MRAP2: variants seen among roughly 807,000 people sequenced by gnomAD.
The protein encoded by MRAP2 is melanocortin 2 receptor accessory protein 2, also known as melanocortin-2 receptor accessory protein 2.
In MRAP2, 20 loss-of-function variants were observed where a neutral mutation model predicts 17.4. The observed-to-expected ratio is 1.15, with a 90% CI of 0.81 to 1.67. The LOEUF is 1.67. MRAP2 is among the 40% of genes most tolerant of loss of function. The pLI, the probability that MRAP2 is intolerant of heterozygous loss-of-function variation, is 0.00. For missense variants in MRAP2, 238 were observed against 240.0 expected (o/e 0.99, Z 0.05); for synonymous variants, 96 against 88.4 (o/e 1.09, Z -0.48).
intron 3 of MRAP2, among the ~76,000 whole-genome samples, 179 bp from the exon 4 acceptor site, chr6:84,088,912 G>A (rs1269846038): frequency 6.6e-6 from 1 of 152,096 alleles, no homozygotes; most frequent in Admixed American, 6.5e-5. Flanking sequence ...GGGTTTATCT[G>A]TACATACTCA....
chr6:84,075,026 C>T (rs985488145), intron 3 of MRAP2, among the ~76,000 whole-genome samples: 6 of 152,158 alleles, frequency 3.9e-5, no homozygotes, highest in Admixed American at 1.3e-4. Flanking sequence ...TGGTATGACA[C>T]AACAAAGGTT....
chr6:84,063,551 G>C (rs1456044434), intron 3 of MRAP2, among the ~76,000 whole-genome samples: 1 of 152,106 alleles, frequency 6.6e-6, no homozygotes, highest in African/African-American at 2.4e-5. Context: ...TGATGATGCT[G>C]GACTTTGGAT....
chr6:84,099,929 T>C, the MRAP2 span, among the ~76,000 whole-genome samples: 1 of 152,088 alleles, frequency 6.6e-6, no homozygotes, highest in African/African-American at 2.4e-5. Flanking sequence ...GGTGGGATCT[T>C]GGCTCATTGC....
the MRAP2 span, among the ~76,000 whole-genome samples, chr6:84,134,752 G>T: frequency 2.0e-5 from 3 of 152,076 alleles, no homozygotes; most frequent in Non-Finnish European, 2.9e-5. Flanking sequence ...CTTCTGTGTT[G>T]ATCTCACTGA....
At chr6:84,131,453 G>A in the MRAP2 span, among the ~76,000 whole-genome samples, 1 of 152,128 alleles carries the variant, frequency 6.6e-6, no homozygotes, top group Admixed American at 6.6e-5. Flanking sequence ...GGGTGTTAAA[G>A]TCTTCCATTA....
the MRAP2 span, among the ~76,000 whole-genome samples, chr6:84,114,676 C>T: frequency 6.6e-6 from 1 of 152,148 alleles, no homozygotes; most frequent in African/African-American, 2.4e-5. Context: ...GAATTTTCAG[C>T]CTTTTTGTGC....
chr6:84,083,138 G>A (rs562585604), intron 3 of MRAP2, among the ~76,000 whole-genome samples: 7 of 152,070 alleles, frequency 4.6e-5, no homozygotes, highest in Admixed American at 6.6e-5. Context: ...CTCTCATGGC[G>A]ACTGGCAAAA....
the MRAP2 span, among the ~76,000 whole-genome samples, chr6:84,097,961 T>C: frequency 6.6e-6 from 1 of 152,202 alleles, no homozygotes; most frequent in Non-Finnish European, 1.5e-5. Context: ...AAAATAACTT[T>C]GAGATATAAT....
intron 3 of MRAP2, among the ~76,000 whole-genome samples, chr6:84,081,255 CTT>C (rs945313099): frequency 3.9e-5 from 6 of 152,298 alleles, no homozygotes; most frequent in Non-Finnish European, 8.8e-5. Context: ...GATATGGAGT[CTT>C]TTTCTGATGT....
At chr6:84,081,336 G>A (rs924643898) in intron 3 of MRAP2, among the ~76,000 whole-genome samples, 3 of 152,218 alleles carry the variant, frequency 2.0e-5, no homozygotes, top group African/African-American at 7.2e-5. Context: ...GAATGTGACT[G>A]TTTATGGCAT....
the MRAP2 span, among the ~76,000 whole-genome samples, chr6:84,111,131 T>C: frequency 1.3e-5 from 2 of 152,322 alleles, no homozygotes; most frequent in African/African-American, 4.8e-5. Flanking sequence ...TTTTTTCCAA[T>C]TCTGTGAAGA....
chr6:84,050,858 A>G (rs1396680810), intron 1 of MRAP2, among the ~76,000 whole-genome samples: 1 of 152,216 alleles, frequency 6.6e-6, no homozygotes, highest in Admixed American at 6.5e-5. Flanking sequence ...CTGACTGGCC[A>G]TTAGGTCTTC....
the MRAP2 span, among the ~76,000 whole-genome samples, chr6:84,096,875 C>T: frequency 6.6e-6 from 1 of 152,150 alleles, no homozygotes; most frequent in East Asian, 1.9e-4. Flanking sequence ...GTTAACATCC[C>T]TAGCAGCTGG....
the MRAP2 span, among the ~76,000 whole-genome samples, chr6:84,145,677 T>C: frequency 1.3e-5 from 2 of 152,128 alleles, no homozygotes; most frequent in Admixed American, 1.3e-4. Flanking sequence ...TTGGAATCAC[T>C]AAAACATTTA....
chr6:84,044,104 T>G (rs977314000), intron 1 of MRAP2, among the ~76,000 whole-genome samples: 1 of 152,194 alleles, frequency 6.6e-6, no homozygotes, highest in Non-Finnish European at 1.5e-5. Flanking sequence ...TTCTCCAAAT[T>G]AGTTTCAGCA....
At chr6:84,046,056 C>T (rs779419462) in intron 1 of MRAP2, among the ~76,000 whole-genome samples, 4 of 152,096 alleles carry the variant, frequency 2.6e-5, no homozygotes, top group Non-Finnish European at 2.9e-5. Context: ...TGATGTGAAC[C>T]GCCATGGAAG....
chr6:84,088,165 T>C (rs1229185679), intron 3 of MRAP2, among the ~76,000 whole-genome samples: 1 of 152,218 alleles, frequency 6.6e-6, no homozygotes, highest in African/African-American at 2.4e-5. Flanking sequence ...TGTCAGGTTC[T>C]GTTCTGGACT....
intron 1 of MRAP2, among the ~76,000 whole-genome samples, chr6:84,041,363 C>T (rs1455725418): frequency 6.6e-6 from 1 of 152,222 alleles, no homozygotes; most frequent in Non-Finnish European, 1.5e-5. Flanking sequence ...TCTGTTAGGG[C>T]AACGCAGAAA....
At position 84,055,306 on chromosome 6, in the gene MRAP2, G is replaced by A; in HGVS notation, c.-7-6G>A. ...GTTCTGCGCTTGACTTTCTCCATTT[G>A]TGCAGGTCGGAGATGTCCGCCCAGA... On this transcript the variant is annotated splice_region_variant and splice_polypyrimidine_tract_variant and intron_variant, in intron 1 of 3. Coordinates refer to ENST00000257776, the MANE Select transcript of MRAP2 (RefSeq NM_138409.4). 6.2e-7 allele frequency: 1 copy of A among 1,604,532 alleles called. No individual in the cohort carries two copies.
Sources: allele counts gnomAD v4.1 joint callset (sites outside exome capture counted in the v4.1 genomes callset), GRCh38; gene constraint gnomAD v4.1.1; transcripts MANE v1.5; gene names NCBI Gene and HGNC (gene_info 2026-07-23, HGNC 2026-07-21).